The following ASB4 variants were observed in gnomAD, a reference collection of about 807,000 sequenced individuals.
ASB4 encodes ankyrin repeat and SOCS box containing 4, also known as ankyrin repeat and SOCS box protein 4.
A neutral mutation model predicts 38.6 loss-of-function variants in ASB4; 35 were observed. That is an observed-to-expected ratio of 0.91 (90% CI 0.69 to 1.20). ASB4 has a LOEUF of 1.20. ASB4 is among the 50% of genes most tolerant of loss of function. The pLI is 0.00. For missense variants in ASB4, 557 were observed against 527.2 expected, an observed-to-expected ratio of 1.06 and a Z score of -0.55; for synonymous variants, 195 against 201.3, an observed-to-expected ratio of 0.97 and a Z score of 0.26.
rs1313252021 is a variant in ASB4, at chr7:95,538,010, G to T, written c.*251G>T. On this transcript the variant is annotated 3_prime_UTR_variant, in exon 5 of 5. Transcript: ENST00000325885. ...AGAACAGTAATAACTAATATGTATA[G>T]TGTTCTTACTAAGTACCTGAAATAT... The T allele has an allele frequency of 1.3e-5, 5 of 375,378 alleles. No individual in the cohort carries two copies. Among genetic ancestry groups the T allele is most frequent in the Admixed American group, 4.1e-5 (1 of 24,538 alleles). The allele number at this position is 375,378 out of a possible 1,614,324, so 23.3% of individuals were successfully genotyped here.
intron 2 of ASB4, among the ~76,000 whole-genome samples, chr7:95,521,746 A>C (rs1038536354): frequency 6.6e-6 from 1 of 152,048 alleles, no homozygotes; most frequent in African/African-American, 2.4e-5. Context: ...AACAGGTTGC[A>C]AAAGTGAGAT....
chr7:95,490,631 G>A (rs1212133543), intron 1 of ASB4, among the ~76,000 whole-genome samples: 1 of 152,238 alleles, frequency 6.6e-6, no homozygotes, highest in Non-Finnish European at 1.5e-5. Flanking sequence ...AACTGTTGCA[G>A]AGCCCAGGCT....
At chr7:95,477,412 T>C (rs889732761), upstream of ASB4, among the ~76,000 whole-genome samples, 3 of 152,204 alleles carry the variant, frequency 2.0e-5, no homozygotes, top group Non-Finnish European at 2.9e-5. Context: ...AAAATAATAA[T>C]TGAACATTGC....
chr7:95,514,897 G>C (rs1790533295), intron 2 of ASB4, among the ~76,000 whole-genome samples: 1 of 152,212 alleles, frequency 6.6e-6, no homozygotes, highest in Non-Finnish European at 1.5e-5. Context: ...TGAGATAAAG[G>C]CAGAAATGCA....
chr7:95,481,370 A>C (rs943232435), upstream of ASB4, among the ~76,000 whole-genome samples: 4 of 152,092 alleles, frequency 2.6e-5, no homozygotes, highest in Non-Finnish European at 4.4e-5. Flanking sequence ...GGAAAAAAAA[A>C]CAACAAGATG....
chr7:95,540,403 G>A (rs756627493), downstream of ASB4, among the ~76,000 whole-genome samples: 9 of 152,252 alleles, frequency 5.9e-5, no homozygotes, highest in East Asian at 5.8e-4. Flanking sequence ...GAAAGTAAAG[G>A]GTAACTGTGG....
the ASB4 span, among the ~76,000 whole-genome samples, chr7:95,548,467 T>A: frequency 1.3e-5 from 2 of 152,218 alleles, no homozygotes; most frequent in Admixed American, 6.5e-5. Context: ...AATGAATGAA[T>A]GTTATATTGT....
In ASB4 at chr7:95,495,851, T is replaced by A. The variant is rs1790238636; in HGVS notation, c.281T>A (p.Leu94Gln). The A allele has an allele frequency of 6.2e-7, 1 of 1,613,950 alleles. No individual in the cohort carries two copies. Among genetic ancestry groups the A allele is most frequent in the Admixed American group, 1.7e-5 (1 of 59,974 alleles). ...GGCCATGTGGAATGTCTTCTGGTGC[T>A]ACTGGACCACAATGCTACAATCAAC... Reference protein sequence around the residue: ...LFGHVECLLVLLDHNATINCR... With the variant: ...LFGHVECLLVQLDHNATINCR... Residue 94 changes from leucine to glutamine, a missense_variant, in exon 2 of 5, where the codon CTA (leucine) becomes CAA (glutamine). By Grantham distance (113) the Leu-to-Gln change is moderately radical. Coordinates refer to ENST00000325885, the MANE Select transcript of ASB4 (RefSeq NM_016116.3).
intron 2 of ASB4, among the ~76,000 whole-genome samples, chr7:95,504,178 G>T (rs369056781): frequency 6.6e-6 from 1 of 152,108 alleles, no homozygotes; most frequent in African/African-American, 2.4e-5. Context: ...AAAGCTGCCC[G>T]CTTTACTCTG....
rs1790934081 is a variant in ASB4, at chr7:95,538,960, G to C, written c.*1201G>C. The C allele has an allele frequency of 6.6e-6, 1 of 152,178 alleles. No homozygotes were observed. Among genetic ancestry groups the C allele is most frequent in the African/African-American group, 2.4e-5 (1 of 41,442 alleles). 9.4% of individuals were successfully genotyped at this position (152,178 alleles called of 1,614,324 possible). On this transcript the variant is annotated 3_prime_UTR_variant, in exon 5 of 5. Transcript: ENST00000325885. ...AAAATGGTAAAAGTTTGAGAAACTT[G>C]GGAAGATTAGTGTGTTAATCAGGCT...
intron 1 of ASB4, among the ~76,000 whole-genome samples, chr7:95,480,726 G>T (rs1372452687): frequency 6.6e-6 from 1 of 152,202 alleles, no homozygotes; most frequent in African/African-American, 2.4e-5. Context: ...AGACATCATA[G>T]AGCAGAGACA....
In ASB4 at chr7:95,495,797, C is replaced by T; in HGVS notation, c.227C>T (p.Ala76Val). The T allele has an allele frequency of 6.2e-7, 1 of 1,612,124 alleles. No individual in the cohort carries two copies. The highest frequency in any genetic ancestry group is 8.5e-7 in the Non-Finnish European group (1 of 1,179,584). The change falls in exon 2 of 5, where the codon GCC becomes GTC. Residue 76 changes from alanine (A) to valine (V), a missense_variant. Physicochemically the swap from Ala to Val is moderately conservative, Grantham distance 64. Transcript: ENST00000325885. Reference sequence around the variant, plus strand: ...AGCTATAAATTGAAGTCTTCCTGGGCCACAGGCCTCCATCTCTCTGTCTTG... The same window carrying T: ...AGCTATAAATTGAAGTCTTCCTGGGTCACAGGCCTCCATCTCTCTGTCTTG... ...LPSYKLKSSW[A>V]TGLHLSVLFG...
At chr7:95,502,586 T>C (rs1470219640) in intron 2 of ASB4, among the ~76,000 whole-genome samples, 1 of 152,160 alleles carries the variant, frequency 6.6e-6, no homozygotes, top group Non-Finnish European at 1.5e-5. Flanking sequence ...AAGAGATAAC[T>C]GGGGAGAAAG....
downstream of ASB4, among the ~76,000 whole-genome samples, chr7:95,541,631 A>G (rs966329720): frequency 6.6e-6 from 1 of 152,194 alleles, no homozygotes; most frequent in Non-Finnish European, 1.5e-5. Context: ...AAACATGCCA[A>G]CCAATTAATT....
At chr7:95,523,949 C>G (rs1185718277) in intron 2 of ASB4, among the ~76,000 whole-genome samples, 1 of 152,166 alleles carries the variant, frequency 6.6e-6, no homozygotes, top group African/African-American at 2.4e-5. Flanking sequence ...AGATATCACT[C>G]TGCAACCAAG....
chr7:95,504,693 C>T (rs1790384398), intron 2 of ASB4, among the ~76,000 whole-genome samples: 1 of 152,132 alleles, frequency 6.6e-6, no homozygotes, highest in South Asian at 2.1e-4. Context: ...CCCAAAATCC[C>T]TTGACATACA....
At chr7:95,526,196 G>T (rs1055240830) in intron 2 of ASB4, among the ~76,000 whole-genome samples, 1 of 152,152 alleles carries the variant, frequency 6.6e-6, no homozygotes, top group African/African-American at 2.4e-5. Flanking sequence ...TTCAAACCTT[G>T]GTTCAACAAT....
Position 95,513,950 on chromosome 7 carries a change from T to A in ASB4, c.488-13863T>A, listed in dbSNP as rs376983454. 1.7e-4 allele frequency among the ~76,000 whole-genome samples: 26 copies of A among 152,338 alleles called. 1 individual carries two copies. Among genetic ancestry groups the A allele is most frequent in the Admixed American group, 9.1e-4 (14 of 15,304 alleles). On this transcript the variant is annotated intron_variant, in intron 2 of 4. Coordinates refer to ENST00000325885, the MANE Select transcript of ASB4 (RefSeq NM_016116.3). ...TCCACGAAGGATTTCGATGCTGGCA[T>A]AAATTACCAGTCCAAAATCACCCTC...
intron 2 of ASB4, among the ~76,000 whole-genome samples, chr7:95,500,103 G>A (rs73711328): frequency 0.012 from 1,856 of 151,964 alleles, 41 homozygotes; most frequent in African/African-American, 0.041. Context: ...GAGGGAGTTC[G>A]GATGGTTTTT....
Sources: allele counts gnomAD v4.1 joint callset (sites outside exome capture counted in the v4.1 genomes callset), GRCh38; gene constraint gnomAD v4.1.1; transcripts MANE v1.5; gene names NCBI Gene and HGNC (gene_info 2026-07-23, HGNC 2026-07-21).